Variants in FREM1 observed in about 807,000 individuals in gnomAD.
The protein encoded by FREM1 is FRAS1-related extracellular matrix protein 1.
FREM1 carries 220 observed loss-of-function variants against 210.1 expected under a neutral mutation model. The ratio of observed to expected loss-of-function variants is 1.05; its 90% CI spans 0.94 to 1.17. FREM1 has a LOEUF of 1.17. Ranked by LOEUF, FREM1 falls within the 50% of genes most tolerant of loss-of-function variation. The pLI is 0.00. For missense variants in FREM1, 3,454 were observed against 2,675.5 expected (o/e 1.29, Z -6.42); for synonymous variants, 1,189 against 980.2 (o/e 1.21, Z -3.98).
chr9:14,801,720 T>G lies in FREM1; in HGVS notation c.3626A>C (p.Lys1209Thr). 1 of 1,613,984 alleles carries G rather than the reference T, an allele frequency of 6.2e-7. No homozygotes were observed. The highest frequency in any genetic ancestry group is 1.1e-5 in the South Asian group (1 of 91,082). The change falls in exon 20 of 37, where the codon AAG becomes ACG. Residue 1209 changes from lysine to threonine, a missense_variant. Coordinates refer to ENST00000380880, the MANE Select transcript of FREM1 (RefSeq NM_001379081.2). ...TTTCTGGTGAGGGTTGGCTGGCTGC[T>G]TATTCTCAGAGAAGTCTTTGCTAAA... is the stretch of plus-strand genomic sequence containing the variant. ...RGFSKDFSEN[K>T]QPANPHQKHA...
At chr9:14,869,960 T>C (rs767054535) in intron 1 of FREM1, among the ~76,000 whole-genome samples, 5 of 152,246 alleles carry the variant, frequency 3.3e-5, no homozygotes, top group Admixed American at 6.5e-5. Context: ...TGTACTCAAC[T>C]TGCACAAATA....
intron 1 of FREM1, among the ~76,000 whole-genome samples, chr9:14,870,404 T>C (rs1377518424): frequency 6.6e-6 from 1 of 152,220 alleles, no homozygotes. Flanking sequence ...ACTGACTCTA[T>C]TGTCCACAAT....
At chr9:14,885,168 C>A (rs138081647) in intron 1 of FREM1, among the ~76,000 whole-genome samples, 12,651 of 151,430 alleles carry the variant, frequency 0.084, 696 homozygotes, top group East Asian at 0.24. Context: ...TCGTGATCCA[C>A]CCGCCTCGGC....
chr9:14,864,286 G>C (rs961033492), intron 2 of FREM1, among the ~76,000 whole-genome samples: 5 of 152,176 alleles, frequency 3.3e-5, no homozygotes, highest in African/African-American at 1.2e-4. Context: ...TTCTTTCTGT[G>C]TGTCTGCATG....
At chr9:14,815,282 G>T (rs746956708) in intron 15 of FREM1, among the ~76,000 whole-genome samples, 1 of 152,128 alleles carries the variant, frequency 6.6e-6, no homozygotes, top group Non-Finnish European at 1.5e-5. Context: ...AATGATTTTG[G>T]GCAAGTCATT....
intron 6 of FREM1, 70 bp downstream of exon 6, chr9:14,851,214 T>G: frequency 2.6e-6 from 3 of 1,134,576 alleles, no homozygotes; most frequent in Non-Finnish European, 2.5e-6. Context: ...ACCTGAGGGT[T>G]TAGGGTAGGG....
intron 25 of FREM1, among the ~76,000 whole-genome samples, chr9:14,775,505 C>T (rs1245604889): frequency 1.2e-4 from 18 of 151,808 alleles, no homozygotes; most frequent in Admixed American, 1.2e-3. Flanking sequence ...CAGGAGTTCG[C>T]CACCAGCCTG....
chr9:14,799,298 AG>A (rs1338251472), intron 20 of FREM1, among the ~76,000 whole-genome samples: 1 of 151,942 alleles, frequency 6.6e-6, no homozygotes, highest in African/African-American at 2.4e-5. Context: ...AAAAAAAAAA[AG>A]GTAAGAAGAA....
chr9:14,890,485 T>A (rs1836616693), intron 1 of FREM1, among the ~76,000 whole-genome samples: 1 of 152,246 alleles, frequency 6.6e-6, no homozygotes, highest in African/African-American at 2.4e-5. Flanking sequence ...TAAGAAGTCT[T>A]GCAGAAAGGA....
intron 30 of FREM1, 68 bp downstream of exon 30, chr9:14,750,059 G>T: frequency 6.7e-7 from 1 of 1,486,474 alleles, no homozygotes; most frequent in Non-Finnish European, 9.2e-7. Context: ...CAAGCACGTT[G>T]GCTGTTGAAG....
chr9:14,831,023 G>C (rs964181060), intron 10 of FREM1, among the ~76,000 whole-genome samples: 2 of 152,182 alleles, frequency 1.3e-5, no homozygotes, highest in Non-Finnish European at 2.9e-5. Context: ...AAGGCTTGCT[G>C]GGGAGAACTT....
At chr9:14,879,539 G>A (rs984235675) in intron 1 of FREM1, among the ~76,000 whole-genome samples, 3 of 152,196 alleles carry the variant, frequency 2.0e-5, no homozygotes, top group Admixed American at 6.5e-5. Flanking sequence ...CAAGAATGTT[G>A]ATTGCAGCAG....
chr9:14,778,569 C>G (rs1849031071), intron 24 of FREM1, among the ~76,000 whole-genome samples: 1 of 143,120 alleles, frequency 7.0e-6, no homozygotes, highest in African/African-American at 2.6e-5. Flanking sequence ...GAACGTGCCA[C>G]CGCACTCCAG....
rs991397750 is a variant in FREM1 at position 14,785,486 on chromosome 9, C to T, written c.4178-852G>A. On this transcript the variant is annotated intron_variant, in intron 23 of 36. Coordinates refer to ENST00000380880, the MANE Select transcript of FREM1 (RefSeq NM_001379081.2). The stretch of plus-strand genomic sequence containing the variant: ...ATTTTTTAAATGTATATTTATACAA[C>T]CATATTCATATCAGGATTATTCACA... Among the ~76,000 whole-genome samples, 6 of 152,106 alleles carry T rather than the reference C, an allele frequency of 3.9e-5. No individual in the cohort carries two copies. In the South Asian group the frequency reaches 1.2e-3, roughly 32 times the overall value.
chr9:14,866,413 G>C (rs950638499), intron 2 of FREM1, among the ~76,000 whole-genome samples: 7 of 152,184 alleles, frequency 4.6e-5, no homozygotes, highest in Non-Finnish European at 8.8e-5. Flanking sequence ...TTCTCTCAGA[G>C]AGACTGCCAT....
In FREM1 at chr9:14,740,190, C is replaced by A; in HGVS notation, c.6299G>T (p.Arg2100Leu). The A allele has an allele frequency of 6.2e-7, 1 of 1,613,072 alleles. No homozygotes were observed. The highest frequency in any genetic ancestry group is 2.2e-5 in the East Asian group (1 of 44,848). The change falls in exon 36 of 37, where the codon CGG (arginine) becomes CTG (leucine). Residue 2100 changes from arginine to leucine, a missense_variant. Physicochemically the swap from Arg to Leu is moderately radical, Grantham distance 102. Coordinates refer to ENST00000380880, the MANE Select transcript of FREM1 (RefSeq NM_001379081.2). ...TCTCCCACCAATGTCCCAGAGCCAC[C>A]GCATGTGCTGCCTGGAGAATACAGT... The part of the protein sequence containing the change: ...LVTVFSRQHM[R>L]WLWDIGGRKS...
chr9:14,827,566 T>C lies in FREM1; in HGVS notation c.1882-2574A>G, dbSNP rs918888959. Reference sequence around the variant, plus strand: ...ATTTGAAAAATTCTCAGCCTGACCATATAAAGAATAAAAAAGCATCTTTAG... The same window carrying C: ...ATTTGAAAAATTCTCAGCCTGACCACATAAAGAATAAAAAAGCATCTTTAG... On this transcript the variant is annotated intron_variant, in intron 10 of 36. Transcript: ENST00000380880. Among the ~76,000 whole-genome samples, 3 of 152,152 alleles carry C rather than the reference T, an allele frequency of 2.0e-5. No homozygotes were observed. The South Asian group carries it at 6.2e-4, about 32-fold the overall frequency.
chr9:14,882,449 T>A (rs1431067628), intron 1 of FREM1, among the ~76,000 whole-genome samples: 6 of 150,708 alleles, frequency 4.0e-5, no homozygotes, highest in African/African-American at 9.9e-5. Flanking sequence ...ATTATTTTTT[T>A]AATTTTCTTC....
chr9:14,751,141 C>T (rs1301857405), intron 29 of FREM1, among the ~76,000 whole-genome samples: 5 of 152,032 alleles, frequency 3.3e-5, no homozygotes, highest in Admixed American at 6.6e-5. Flanking sequence ...CTTAGAAGAA[C>T]AAGTGGTGGA....
Sources: allele counts gnomAD v4.1 joint callset (sites outside exome capture counted in the v4.1 genomes callset), GRCh38; gene constraint gnomAD v4.1.1; transcripts MANE v1.5; gene names NCBI Gene and HGNC (gene_info 2026-07-23, HGNC 2026-07-21).